Variants in ERBB4 observed in about 807,000 individuals in gnomAD.
The protein encoded by ERBB4 is erb-b2 receptor tyrosine kinase 4.
Under a neutral mutation model 158.0 loss-of-function variants are expected in ERBB4, and 42 were observed. The observed-to-expected ratio is 0.27, with a 90% CI of 0.21 to 0.34. The LOEUF (loss-of-function observed/expected upper bound fraction) is 0.34. Ranked by LOEUF, ERBB4 falls within the 10% of genes least tolerant of loss-of-function variation. The pLI, the probability that ERBB4 is intolerant of heterozygous loss-of-function variation, is 1.00. For synonymous variants in ERBB4, 583 were observed against 558.7 expected (o/e 1.04, Z -0.61); for missense variants, 1,333 against 1,624.1 (o/e 0.82, Z 3.08).
intron 20 of ERBB4, among the ~76,000 whole-genome samples, chr2:211,455,268 CTTATAA>C (rs1198568213): frequency 2.0e-5 from 3 of 152,198 alleles, no homozygotes; most frequent in Admixed American, 6.5e-5. Flanking sequence ...CTCTGATGGA[CTTATAA>C]TTATGATTTC....
At chr2:212,028,464 C>A in intron 2 of ERBB4, among the ~76,000 whole-genome samples, 1 of 152,192 alleles carries the variant, frequency 6.6e-6, no homozygotes, top group East Asian at 1.9e-4. Context: ...TTCAGAAAGA[C>A]AAATTTTCTC....
intron 5 of ERBB4, among the ~76,000 whole-genome samples, chr2:211,740,705 G>C: frequency 6.8e-6 from 1 of 146,416 alleles, no homozygotes; most frequent in East Asian, 2.0e-4. Flanking sequence ...CCGCTTACAG[G>C]GTTTATGCCA....
At chr2:212,298,606 C>T (rs890096815) in intron 1 of ERBB4, among the ~76,000 whole-genome samples, 11 of 151,694 alleles carry the variant, frequency 7.3e-5, no homozygotes, top group African/African-American at 2.7e-4. Context: ...GAGGAACTCA[C>T]TACCTCTCAT....
intron 1 of ERBB4, among the ~76,000 whole-genome samples, chr2:212,536,337 T>C (rs893230251): frequency 6.6e-6 from 1 of 151,772 alleles, no homozygotes; most frequent in Non-Finnish European, 1.5e-5. Flanking sequence ...AAAAACGAAG[T>C]CCCCCGGGGC....
At chr2:212,360,834 T>A (rs2089660785) in intron 1 of ERBB4, among the ~76,000 whole-genome samples, 1 of 151,724 alleles carries the variant, frequency 6.6e-6, no homozygotes, top group Non-Finnish European at 1.5e-5. Flanking sequence ...TGATTTAGAC[T>A]GAGACTTACT....
At chr2:212,487,412 A>C (rs1462148706) in intron 1 of ERBB4, among the ~76,000 whole-genome samples, 1 of 152,112 alleles carries the variant, frequency 6.6e-6, no homozygotes, top group Non-Finnish European at 1.5e-5. Flanking sequence ...CACTTTAGCA[A>C]ACTTTTTTTT....
At chr2:211,430,190 T>C (rs2063719917) in intron 21 of ERBB4, among the ~76,000 whole-genome samples, 1 of 152,166 alleles carries the variant, frequency 6.6e-6, no homozygotes, top group Admixed American at 6.6e-5. Flanking sequence ...AACTGGGTTT[T>C]TTTTTGTTGT....
intron 3 of ERBB4, among the ~76,000 whole-genome samples, chr2:211,817,276 G>A (rs530783808): frequency 3.3e-5 from 5 of 152,240 alleles, no homozygotes; most frequent in African/African-American, 1.2e-4. Flanking sequence ...TATAGATTTA[G>A]GCAAGTCCTC....
At chr2:211,637,291 C>A (rs905291556) in intron 16 of ERBB4, among the ~76,000 whole-genome samples, 1 of 151,926 alleles carries the variant, frequency 6.6e-6, no homozygotes, top group Admixed American at 6.6e-5. Flanking sequence ...AAATCAAATT[C>A]TTATAATTCA....
At chr2:212,011,896 G>A (rs1238404457) in intron 2 of ERBB4, among the ~76,000 whole-genome samples, 1 of 152,142 alleles carries the variant, frequency 6.6e-6, no homozygotes, top group African/African-American at 2.4e-5. Flanking sequence ...GGGTTGCAAA[G>A]TTATGACATT....
At chr2:212,098,973 G>C (rs892636672) in intron 2 of ERBB4, among the ~76,000 whole-genome samples, 2 of 151,712 alleles carry the variant, frequency 1.3e-5, no homozygotes, top group Non-Finnish European at 2.9e-5. Flanking sequence ...AAAGCACTGG[G>C]CTATGCATAT....
At chr2:211,963,883 T>C (rs1430804354) in intron 2 of ERBB4, among the ~76,000 whole-genome samples, 1 of 152,168 alleles carries the variant, frequency 6.6e-6, no homozygotes. Flanking sequence ...TGTTTTATAG[T>C]CTCCAACCTG....
At chr2:212,507,986 T>C (rs1031500424) in intron 1 of ERBB4, among the ~76,000 whole-genome samples, 2 of 152,180 alleles carry the variant, frequency 1.3e-5, no homozygotes, top group African/African-American at 4.8e-5. Context: ...CATTGTCTTA[T>C]ATTAAGAAAT....
chr2:211,612,490 T>C (rs1205072470), intron 19 of ERBB4, among the ~76,000 whole-genome samples: 1 of 151,910 alleles, frequency 6.6e-6, no homozygotes, highest in East Asian at 1.9e-4. Context: ...AAGGGCTCTT[T>C]GAGAAAGCAC....
chr2:211,897,083 A>G (rs1480792960), intron 3 of ERBB4, among the ~76,000 whole-genome samples: 2 of 150,346 alleles, frequency 1.3e-5, no homozygotes, highest in African/African-American at 2.4e-5. Flanking sequence ...AATATATTCT[A>G]TATTATAAAA....
At chr2:211,728,138 T>G (rs2074323948) in intron 5 of ERBB4, among the ~76,000 whole-genome samples, 1 of 151,896 alleles carries the variant, frequency 6.6e-6, no homozygotes, top group African/African-American at 2.4e-5. Context: ...TTTTTCCCAA[T>G]CAACTGACTC....
At chr2:212,209,538 A>G (rs1053626742) in intron 1 of ERBB4, among the ~76,000 whole-genome samples, 2 of 152,090 alleles carry the variant, frequency 1.3e-5, no homozygotes, top group Non-Finnish European at 2.9e-5. Flanking sequence ...GAGAGTATCT[A>G]CTAGTAATGT....
chr2:211,732,565 C>A (rs1412261451), intron 5 of ERBB4, among the ~76,000 whole-genome samples: 1 of 152,204 alleles, frequency 6.6e-6, no homozygotes, highest in Non-Finnish European at 1.5e-5. Flanking sequence ...TGTAAAATAA[C>A]TGTTTAATCC....
intron 1 of ERBB4, among the ~76,000 whole-genome samples, chr2:212,264,452 C>T (rs1223447695): frequency 6.6e-6 from 1 of 152,018 alleles, no homozygotes; most frequent in Non-Finnish European, 1.5e-5. Context: ...CAAGCACTTG[C>T]ACTGTATATT....
Sources: allele counts gnomAD v4.1 joint callset (sites outside exome capture counted in the v4.1 genomes callset), GRCh38; gene constraint gnomAD v4.1.1; transcripts MANE v1.5; gene names NCBI Gene and HGNC (gene_info 2026-07-23, HGNC 2026-07-21).